The following FBXL7 variants were observed in gnomAD, a reference collection of about 807,000 sequenced individuals.
FBXL7 encodes the protein F-box/LRR-repeat protein 7.
In FBXL7, 12 loss-of-function variants were observed where a neutral mutation model predicts 38.3. The observed-to-expected ratio is 0.31, with a 90% CI of 0.20 to 0.51. FBXL7 has a LOEUF of 0.51. Among genes scored for constraint, FBXL7 ranks in the 20% least tolerant of loss-of-function variants. FBXL7 has a pLI of 0.98. For synonymous variants in FBXL7, 297 were observed against 300.9 expected, an observed-to-expected ratio of 0.99 and a Z score of 0.13; for missense variants, 567 against 676.4, an observed-to-expected ratio of 0.84 and a Z score of 1.79.
Position 15,763,422 on chromosome 5 carries a change from G to T in FBXL7, c.127+147350G>T, listed in dbSNP as rs180763403. ...ATTTTTGAAACGTAAGAAGATACAG[G>T]CTGCAAATTTGGCTCTCTTTTTGGA... On this transcript the variant is annotated intron_variant, in intron 2 of 3. Transcript: ENST00000504595. Among the ~76,000 whole-genome samples the T allele has an allele frequency of 2.0e-5, 3 of 152,146 alleles. No homozygotes were observed. In the East Asian group the frequency reaches 5.8e-4, roughly 29 times the overall value.
intron 3 of FBXL7, among the ~76,000 whole-genome samples, chr5:15,934,363 T>G (rs1742121716): frequency 6.6e-6 from 1 of 152,184 alleles, no homozygotes; most frequent in Non-Finnish European, 1.5e-5. Flanking sequence ...CTAATATTTA[T>G]AGACTATGGA....
At chr5:15,621,027 C>G (rs1408980334) in intron 2 of FBXL7, among the ~76,000 whole-genome samples, 1 of 152,148 alleles carries the variant, frequency 6.6e-6, no homozygotes, top group African/African-American at 2.4e-5. Context: ...CACTCTGGGT[C>G]GTAAGGCTGT....
chr5:15,926,636 T>G (rs1007684713), intron 2 of FBXL7, among the ~76,000 whole-genome samples: 5 of 152,092 alleles, frequency 3.3e-5, no homozygotes, highest in African/African-American at 1.2e-4. Context: ...CCTCACAAAC[T>G]TTAAAACTGC....
At chr5:15,817,570 G>A (rs968929042) in intron 2 of FBXL7, among the ~76,000 whole-genome samples, 1 of 152,126 alleles carries the variant, frequency 6.6e-6, no homozygotes, top group African/African-American at 2.4e-5. Flanking sequence ...CCCACCATGT[G>A]TCATGGAAGG....
intron 2 of FBXL7, among the ~76,000 whole-genome samples, chr5:15,747,396 C>T (rs1289878194): frequency 6.6e-6 from 1 of 152,138 alleles, no homozygotes; most frequent in Non-Finnish European, 1.5e-5. Context: ...AAAAGAGCAA[C>T]AGGATTGCCA....
intron 1 of FBXL7, among the ~76,000 whole-genome samples, chr5:15,604,193 G>C (rs773409421): frequency 1.3e-5 from 2 of 152,096 alleles, no homozygotes; most frequent in Non-Finnish European, 2.9e-5. Flanking sequence ...AGGACTGTGT[G>C]AAAGTCATGT....
intron 1 of FBXL7, among the ~76,000 whole-genome samples, chr5:15,534,940 C>T (rs571230212): frequency 6.6e-6 from 1 of 152,290 alleles, no homozygotes; most frequent in Non-Finnish European, 1.5e-5. Context: ...AGGGGAGGGA[C>T]CTGGTGGGAA....
At chr5:15,893,822 G>T (rs191892451) in intron 2 of FBXL7, among the ~76,000 whole-genome samples, 1 of 152,300 alleles carries the variant, frequency 6.6e-6, no homozygotes, top group Admixed American at 6.5e-5. Flanking sequence ...GTTTTACCTT[G>T]TATTGAAGAG....
intron 2 of FBXL7, among the ~76,000 whole-genome samples, chr5:15,671,894 C>T (rs1742489113): frequency 6.6e-6 from 1 of 152,158 alleles, no homozygotes. Context: ...AATATACAAC[C>T]TTTGAAAGGC....
At chr5:15,901,395 G>C (rs929780418) in intron 2 of FBXL7, among the ~76,000 whole-genome samples, 4 of 152,140 alleles carry the variant, frequency 2.6e-5, no homozygotes, top group African/African-American at 7.2e-5. Context: ...CTGCCCACAT[G>C]ACCTAATCAC....
At chr5:15,913,432 A>G (rs914745121) in intron 2 of FBXL7, among the ~76,000 whole-genome samples, 14 of 152,150 alleles carry the variant, frequency 9.2e-5, no homozygotes, top group Non-Finnish European at 7.4e-5. Flanking sequence ...AAAGTGTTCT[A>G]ATTACTTATT....
chr5:15,791,472 C>G (rs1045589497), intron 2 of FBXL7, among the ~76,000 whole-genome samples: 3 of 152,170 alleles, frequency 2.0e-5, no homozygotes, highest in Non-Finnish European at 2.9e-5. Context: ...ATATTTCATG[C>G]TTCGGGTGCC....
chr5:15,828,242 TTATTAG>T (rs1415943954), intron 2 of FBXL7, among the ~76,000 whole-genome samples: 2 of 152,208 alleles, frequency 1.3e-5, no homozygotes, highest in Non-Finnish European at 2.9e-5. Flanking sequence ...TTGCTGGCTA[TTATTAG>T]TATAAGATTG....
chr5:15,809,169 C>T (rs911384815), intron 2 of FBXL7, among the ~76,000 whole-genome samples: 6 of 152,178 alleles, frequency 3.9e-5, no homozygotes, highest in Admixed American at 2.0e-4. Flanking sequence ...CATCTGTGGA[C>T]GCCTGTTCTC....
At chr5:15,532,920 A>G (rs1399272005) in intron 1 of FBXL7, among the ~76,000 whole-genome samples, 1 of 152,222 alleles carries the variant, frequency 6.6e-6, no homozygotes, top group Admixed American at 6.5e-5. Flanking sequence ...GAAGATGTGG[A>G]AGAGTCACAG....
Position 15,588,101 on chromosome 5 carries a change from T to C in FBXL7, c.38-27882T>C, listed in dbSNP as rs560791563. On this transcript the variant is annotated intron_variant, in intron 1 of 3. Coordinates refer to ENST00000504595, the MANE Select transcript of FBXL7 (RefSeq NM_012304.5). ...AGAGGCAAAACTGAGGTCACTGAGG[T>C]AAAACTAGACTTTTACTTTACAGCA... Among the ~76,000 whole-genome samples, 14 of 152,324 alleles carry C rather than the reference T, an allele frequency of 9.2e-5. 1 individual carries two copies. The South Asian group carries it at 2.9e-3, about 32-fold the overall frequency.
intron 2 of FBXL7, among the ~76,000 whole-genome samples, chr5:15,783,825 T>G (rs895809180): frequency 1.3e-5 from 2 of 152,144 alleles, no homozygotes; most frequent in African/African-American, 4.8e-5. Flanking sequence ...ATGGGAAGGC[T>G]TAGAGAGGAA....
chr5:15,650,698 A>G (rs1741678833), intron 2 of FBXL7, among the ~76,000 whole-genome samples: 1 of 152,246 alleles, frequency 6.6e-6, no homozygotes, highest in Admixed American at 6.5e-5. Context: ...TGTCATTTCA[A>G]CAACGTCCAC....
intron 2 of FBXL7, among the ~76,000 whole-genome samples, chr5:15,616,933 T>C (rs1740472855): frequency 6.6e-6 from 1 of 152,210 alleles, no homozygotes; most frequent in Non-Finnish European, 1.5e-5. Flanking sequence ...AGCGCCTGCT[T>C]TCCTAAAGTC....
Sources: gnomAD v4.1 joint callset for allele counts (sites outside exome capture counted in the v4.1 genomes callset) on GRCh38, gnomAD v4.1.1 for gene constraint, MANE v1.5 for transcripts, NCBI Gene and HGNC (gene_info 2026-07-23, HGNC 2026-07-21) for gene names.